UNC79: variants seen among roughly 807,000 people sequenced by gnomAD.
UNC79 encodes protein unc-79 homolog.
A neutral mutation model predicts 283.1 loss-of-function variants in UNC79; 37 were observed. The observed-to-expected ratio is 0.13, with a 90% CI of 0.10 to 0.17. The LOEUF (loss-of-function observed/expected upper bound fraction) is 0.17, where lower values mean the gene tolerates loss of function less well. UNC79 is among the 10% of genes least tolerant of loss of function. The probability of loss-of-function intolerance (pLI) is 1.00; values close to 1 mark genes in which losing one functional copy is unlikely to be tolerated. For synonymous variants in UNC79, 1,107 were observed against 1,200.2 expected, an observed-to-expected ratio of 0.92 and a Z score of 1.61; for missense variants, 2,272 against 3,211.1, an observed-to-expected ratio of 0.71 and a Z score of 7.07.
intron 14 of UNC79, among the ~76,000 whole-genome samples, chr14:93,556,069 T>A (rs985758426): frequency 6.6e-6 from 1 of 152,098 alleles, no homozygotes; most frequent in Non-Finnish European, 1.5e-5. Context: ...AAATCAAGGA[T>A]CCCATTTCCA....
rs979678451 is a variant in UNC79, at chr14:93,430,722, C to T, written c.-308C>T. 8 of 313,990 alleles carry T rather than the reference C, an allele frequency of 2.5e-5. No individual in the cohort carries two copies. Among genetic ancestry groups the T allele is most frequent in the South Asian group, 5.1e-5 (1 of 19,724 alleles). The allele number at this position is 313,990 out of a possible 1,614,324, so 19.5% of individuals were successfully genotyped here. A position where few individuals can be genotyped will look rare whatever the true frequency, so the allele number is the denominator to read the frequency against. On this transcript the variant is annotated 5_prime_UTR_variant, in exon 1 of 49. Transcript: ENST00000555664. The surrounding 1 kb of genome is among the most constrained non-coding windows in gnomAD (Gnocchi z 4.6). ...CCATTTCACCAGGAGCCGCAGCCTG[C>T]TCTCTCCTTTCGGTCTCCCCGCCCA...
intron 26 of UNC79, among the ~76,000 whole-genome samples, chr14:93,607,396 G>A (rs2065961755): frequency 6.6e-6 from 1 of 152,208 alleles, no homozygotes; most frequent in Non-Finnish European, 1.5e-5. Context: ...GAGGGATTAA[G>A]TGATTCTGCT....
chr14:93,691,654 G>A (rs2074709551), intron 45 of UNC79, 95 bp from the exon 49 acceptor site: 1 of 1,306,900 alleles, frequency 7.7e-7, no homozygotes, highest in Admixed American at 1.7e-5. Context: ...CTTCCCCTGT[G>A]CTCCCTGGCA....
intron 47 of UNC79, among the ~76,000 whole-genome samples, chr14:93,695,780 T>C (rs1172206648): frequency 1.3e-5 from 2 of 150,488 alleles, no homozygotes; most frequent in African/African-American, 4.9e-5. Flanking sequence ...TAATCCCAGC[T>C]ACACGGGAGG....
At chr14:93,676,897 A>C (rs1025948016) in intron 41 of UNC79, among the ~76,000 whole-genome samples, 1 of 152,228 alleles carries the variant, frequency 6.6e-6, no homozygotes, top group Non-Finnish European at 1.5e-5. Flanking sequence ...ATCTTTTTAA[A>C]ACAAATGTGT....
chr14:93,524,121 T>C (rs183361807), intron 8 of UNC79, 79 bp downstream of exon 8: 1 of 1,498,384 alleles, frequency 6.7e-7, no homozygotes, highest in Non-Finnish European at 9.3e-7. Context: ...GATTGCATCC[T>C]TCTCTGTAAA....
intron 1 of UNC79, among the ~76,000 whole-genome samples, chr14:93,422,609 T>G (rs534332469): frequency 6.6e-6 from 1 of 152,252 alleles, no homozygotes; most frequent in East Asian, 1.9e-4. Flanking sequence ...GGGGGGGCCT[T>G]AGAATTGTAT....
At chr14:93,662,544 T>C in intron 39 of UNC79, 60 bp from the exon 43 acceptor site, 1 of 1,167,354 alleles carries the variant, frequency 8.6e-7, no homozygotes, top group Non-Finnish European at 1.2e-6. Context: ...AAGATTTTAA[T>C]ACTTTTTTTG....
chr14:93,704,115 G>T (rs2075712221), intron 47 of UNC79, among the ~76,000 whole-genome samples: 1 of 152,160 alleles, frequency 6.6e-6, no homozygotes, highest in African/African-American at 2.4e-5. Flanking sequence ...CCCACACTTC[G>T]CAGACACCCG....
chr14:93,635,513 T>C (rs1168832257), intron 31 of UNC79, among the ~76,000 whole-genome samples: 4 of 152,238 alleles, frequency 2.6e-5, no homozygotes, highest in African/African-American at 9.6e-5. Flanking sequence ...TATTTTAATA[T>C]TCTTCCTGAT....
At chr14:93,528,838 A>G (rs1345950890) in intron 9 of UNC79, among the ~76,000 whole-genome samples, 192 bp downstream of exon 9, 2 of 152,174 alleles carry the variant, frequency 1.3e-5, no homozygotes, top group African/African-American at 4.8e-5. Flanking sequence ...AAGTTGCAAT[A>G]TTTCTCTTTA....
chr14:93,532,586 C>A lies in UNC79; in HGVS notation c.1122+8C>A. The stretch of plus-strand genomic sequence containing the variant: ...GCTATATGTCAGAAAAAGGTAAGAG[C>A]AAACCATTTGTGTCGTTGGGGCATG... On this transcript the variant is annotated splice_region_variant and intron_variant, in intron 11 of 48. Transcript: ENST00000555664. The A allele has an allele frequency of 6.2e-7, 1 of 1,610,734 alleles. No individual in the cohort carries two copies. Among genetic ancestry groups the A allele is most frequent in the Non-Finnish European group, 8.5e-7 (1 of 1,178,200 alleles).
intron 1 of UNC79, among the ~76,000 whole-genome samples, chr14:93,347,588 G>A (rs1480214840): frequency 1.3e-5 from 2 of 152,116 alleles, no homozygotes; most frequent in Non-Finnish European, 2.9e-5. Context: ...TCGCGGTGAG[G>A]ATGCCGTCGT....
intron 26 of UNC79, among the ~76,000 whole-genome samples, chr14:93,608,958 A>T: frequency 6.6e-6 from 1 of 152,306 alleles, no homozygotes; most frequent in East Asian, 1.9e-4. Context: ...CAAGAAGCCT[A>T]TGTTCTTATT....
intron 9 of UNC79, 101 bp downstream of exon 9, chr14:93,528,747 T>G: frequency 9.1e-7 from 1 of 1,103,800 alleles, no homozygotes; most frequent in Non-Finnish European, 1.3e-6. Context: ...AGTTTCTCTC[T>G]AGCCTCTCTG....
chr14:93,638,359 GAGTAGA>G (rs1426453567), intron 32 of UNC79, among the ~76,000 whole-genome samples: 1 of 152,194 alleles, frequency 6.6e-6, no homozygotes, highest in Non-Finnish European at 1.5e-5. Flanking sequence ...AAGCTTTGAT[GAGTAGA>G]AGTAAGGGTG....
chr14:93,457,371 G>A (rs2056825467), intron 1 of UNC79, among the ~76,000 whole-genome samples: 3 of 152,328 alleles, frequency 2.0e-5, no homozygotes, highest in Middle Eastern at 6.8e-3. Context: ...TGAAAGTGCC[G>A]AGGAGATGCA....
intron 38 of UNC79, among the ~76,000 whole-genome samples, chr14:93,656,433 C>T (rs555172418): frequency 1.8e-4 from 27 of 151,178 alleles, no homozygotes; most frequent in South Asian, 1.5e-3. Context: ...GGCGAGACCT[C>T]GTCTCTACGA....
intron 41 of UNC79, among the ~76,000 whole-genome samples, chr14:93,681,023 A>C (rs953877719): frequency 6.6e-6 from 1 of 152,206 alleles, no homozygotes; most frequent in Non-Finnish European, 1.5e-5. Flanking sequence ...AAATAAGCTT[A>C]AGTTAGGTGA....
Sources: allele counts gnomAD v4.1 joint callset (sites outside exome capture counted in the v4.1 genomes callset), GRCh38; gene constraint gnomAD v4.1.1; non-coding constraint Gnocchi (gnomAD v3.1); transcripts MANE v1.5; gene names NCBI Gene and HGNC (gene_info 2026-07-23, HGNC 2026-07-21).